Variants in SRSF11 observed in about 807,000 individuals in gnomAD.
SRSF11 encodes serine and arginine rich splicing factor 11.
Under a neutral mutation model 56.0 loss-of-function variants are expected in SRSF11, and 9 were observed. The ratio of observed to expected loss-of-function variants is 0.16; its 90% CI spans 0.10 to 0.28. SRSF11 has a LOEUF of 0.28. SRSF11 is among the 10% of genes least tolerant of loss of function. The pLI is 1.00. For synonymous variants in SRSF11, 222 were observed against 215.3 expected, an observed-to-expected ratio of 1.03 and a Z score of -0.27; for missense variants, 421 against 600.7, an observed-to-expected ratio of 0.70 and a Z score of 3.13.
At chr1:70,244,389 T>C (rs1008103477) in intron 7 of SRSF11, among the ~76,000 whole-genome samples, 2 of 152,186 alleles carry the variant, frequency 1.3e-5, no homozygotes, top group African/African-American at 4.8e-5. Context: ...TTCTCCTTCA[T>C]GATCTAGTAG....
intron 9 of SRSF11, among the ~76,000 whole-genome samples, chr1:70,247,863 A>C (rs1292926323): frequency 6.6e-6 from 1 of 152,156 alleles, no homozygotes; most frequent in African/African-American, 2.4e-5. Flanking sequence ...AAGAATCTGT[A>C]GCCATTACTC....
At chr1:70,246,442 G>T (rs1173073095) in intron 8 of SRSF11, among the ~76,000 whole-genome samples, 1 of 152,060 alleles carries the variant, frequency 6.6e-6, no homozygotes, top group Non-Finnish European at 1.5e-5. Flanking sequence ...GTGCTCTATG[G>T]GTTTTGGCCT....
intron 2 of SRSF11, chr1:70,231,213 A>G (rs902388013): frequency 8.9e-6 from 11 of 1,241,974 alleles, no homozygotes; most frequent in Non-Finnish European, 1.1e-5. Context: ...TGTATGTTTT[A>G]TGATGAGATG....
At position 70,244,768 on chromosome 1, in the gene SRSF11, T is replaced by G. The variant is rs1676352863; in HGVS notation, c.885T>G (p.Ser295=). Reference sequence around the variant, plus strand: ...CCAAAAGCCCAAGGCGGAGAAGATCTCATTCCAGAGAAAGAGGTAGAAGGT... The same window carrying G: ...CCAAAAGCCCAAGGCGGAGAAGATCGCATTCCAGAGAAAGAGGTAGAAGGT... ...RRSKSPRRRR[S]HSRERGRRSR... is the part of the protein sequence containing the mutation. The change falls in exon 8 of 12, where the codon TCT becomes TCG. Residue 295 remains serine (S), a synonymous_variant. Transcript: ENST00000370949. The G allele has an allele frequency of 1.2e-6, 2 of 1,614,178 alleles. No homozygotes were observed. The highest frequency in any genetic ancestry group is 1.7e-6 in the Non-Finnish European group (2 of 1,180,026).
intron 1 of SRSF11, among the ~76,000 whole-genome samples, chr1:70,225,065 C>G (rs1671474203): frequency 6.6e-6 from 1 of 152,180 alleles, no homozygotes; most frequent in African/African-American, 2.4e-5. Context: ...TCTCCTTTAC[C>G]ACTTGATCAG....
At position 70,228,520 on chromosome 1, in the gene SRSF11, T is replaced by C. The variant is rs755303951; in HGVS notation, c.302T>C (p.Val101Ala). ...VAQHLTNTVF[V>A]DRALIVVPYA... The stretch of plus-strand genomic sequence containing the variant: ...CAGCATCTGACAAACACTGTATTCG[T>C]TGACAGAGCTTTGATAGTCGTACCA... Residue 101 changes from valine (V) to alanine (A), a missense_variant, in exon 2 of 12, where the codon GTT becomes GCT. By Grantham distance (64) the Val-to-Ala change is moderately conservative (BLOSUM62 0). Around this residue, in one of 2 missense-constraint regions of SRSF11, gnomAD observed 168 missense variants for 294.9 expected, o/e 0.57. Transcript: ENST00000370949. 1 of 1,613,752 alleles carries C rather than the reference T, an allele frequency of 6.2e-7. No individual in the cohort carries two copies. Among genetic ancestry groups the C allele is most frequent in the Non-Finnish European group, 8.5e-7 (1 of 1,179,792 alleles).
chr1:70,231,179 TTC>T (rs1672779881), intron 2 of SRSF11: 3 of 1,287,214 alleles, frequency 2.3e-6, no homozygotes, highest in Non-Finnish European at 2.0e-6. Context: ...CTTATCCAGT[TTC>T]TCTTAAGTGC....
upstream of SRSF11, among the ~76,000 whole-genome samples, chr1:70,220,480 A>T (rs1670431074): frequency 6.6e-6 from 1 of 152,378 alleles, no homozygotes; most frequent in Non-Finnish European, 1.5e-5. Flanking sequence ...TTTTCTTGAG[A>T]AATTGCAGTA....
chr1:70,216,731 T>C (rs716240), upstream of SRSF11, among the ~76,000 whole-genome samples: 16,541 of 152,088 alleles, frequency 0.11, 1,052 homozygotes, highest in East Asian at 0.3. Flanking sequence ...CCATACCCAG[T>C]TGCATTAACT....
intron 1 of SRSF11, among the ~76,000 whole-genome samples, chr1:70,206,474 A>G (rs991756652): frequency 1.3e-5 from 2 of 152,176 alleles, no homozygotes; most frequent in African/African-American, 2.4e-5. Flanking sequence ...ATTTTGTTCA[A>G]TGTAAGTCGG....
intron 1 of SRSF11, among the ~76,000 whole-genome samples, chr1:70,212,526 G>C (rs2100484439): frequency 6.6e-6 from 1 of 152,246 alleles, no homozygotes; most frequent in Admixed American, 6.5e-5. Flanking sequence ...CAAAGTGCTG[G>C]GATTACAGGT....
intron 7 of SRSF11, among the ~76,000 whole-genome samples, chr1:70,240,952 A>G (rs1052743134): frequency 1.3e-5 from 2 of 151,510 alleles, no homozygotes; most frequent in Admixed American, 6.6e-5. Flanking sequence ...TTGTATTTTT[A>G]GTAGAGACTG....
intron 1 of SRSF11, among the ~76,000 whole-genome samples, chr1:70,227,813 G>C (rs543723041): frequency 4.6e-5 from 7 of 152,314 alleles, no homozygotes; most frequent in Non-Finnish European, 7.3e-5. Context: ...GTGGAACGTA[G>C]TACTACTCCC....
chr1:70,239,613 G>T, intron 7 of SRSF11, 93 bp downstream of exon 7: 1 of 947,748 alleles, frequency 1.1e-6, no homozygotes. Context: ...TTATCCTCTG[G>T]TTAAAGTGTT....
chr1:70,245,640 TATTAA>T (rs1377540493), intron 8 of SRSF11, among the ~76,000 whole-genome samples: 5 of 152,274 alleles, frequency 3.3e-5, no homozygotes, highest in South Asian at 2.1e-4. Flanking sequence ...ATGACTCGAG[TATTAA>T]ATTCTGAAAG....
chr1:70,231,159 T>C (rs765590754), intron 2 of SRSF11: 3 of 1,289,094 alleles, frequency 2.3e-6, no homozygotes, highest in East Asian at 1.1e-4. Flanking sequence ...CCAACAGTTT[T>C]CTTCTGCAGC....
At chr1:70,240,844 T>C (rs1240754839) in intron 7 of SRSF11, among the ~76,000 whole-genome samples, 1 of 151,594 alleles carries the variant, frequency 6.6e-6, no homozygotes, top group African/African-American at 2.4e-5. Context: ...GGCACGATCT[T>C]GGCTCACCAC....
chr1:70,228,390 T>C (rs1438537635), intron 1 of SRSF11, 32 bp from the exon 2 acceptor site: 4 of 1,543,894 alleles, frequency 2.6e-6, no homozygotes, highest in Non-Finnish European at 3.6e-6. Context: ...TGCTATTCTG[T>C]TTCTCTTTTA....
intron 7 of SRSF11, among the ~76,000 whole-genome samples, chr1:70,240,187 C>T (rs1386636624): frequency 6.6e-6 from 1 of 152,152 alleles, no homozygotes; most frequent in Non-Finnish European, 1.5e-5. Context: ...TTTCATCACA[C>T]AGAATATTAC....
Sources: gnomAD v4.1 joint callset for allele counts (sites outside exome capture counted in the v4.1 genomes callset) on GRCh38, gnomAD v4.1.1 for gene constraint, gnomAD v4.1.1 regional missense constraint, MANE v1.5 for transcripts, NCBI Gene and HGNC (gene_info 2026-07-23, HGNC 2026-07-21) for gene names.